Variants in OSBPL1A observed in about 807,000 individuals in gnomAD.
The protein encoded by OSBPL1A is oxysterol-binding protein-related protein 1.
In OSBPL1A, 80 loss-of-function variants were observed where a neutral mutation model predicts 137.1. The observed-to-expected ratio is 0.58, with a 90% CI of 0.49 to 0.70. The LOEUF is 0.70. OSBPL1A is among the 30% of genes least tolerant of loss of function. OSBPL1A has a pLI of 0.00. For synonymous variants in OSBPL1A, 365 were observed against 389.7 expected, an observed-to-expected ratio of 0.94 and a Z score of 0.75; for missense variants, 970 against 1,129.4, an observed-to-expected ratio of 0.86 and a Z score of 2.02.
At chr18:24,279,591 A>C (rs907899421) in intron 15 of OSBPL1A, among the ~76,000 whole-genome samples, 1 of 152,226 alleles carries the variant, frequency 6.6e-6, no homozygotes, top group Non-Finnish European at 1.5e-5. Flanking sequence ...AACTAAAACA[A>C]GAATAAGAAA....
At chr18:24,237,752 G>C (rs1356943406) in intron 16 of OSBPL1A, among the ~76,000 whole-genome samples, 1 of 152,092 alleles carries the variant, frequency 6.6e-6, no homozygotes. Flanking sequence ...AGCGCCACTG[G>C]ACCTGGCACA....
chr18:24,219,950 G>C (rs947809037), intron 17 of OSBPL1A, among the ~76,000 whole-genome samples: 2 of 152,192 alleles, frequency 1.3e-5, no homozygotes, highest in African/African-American at 4.8e-5. Context: ...TTTCAAATTG[G>C]AGCCCTATTC....
At chr18:24,198,850 G>GT (rs139052530) in intron 17 of OSBPL1A, among the ~76,000 whole-genome samples, 14,543 of 144,560 alleles carry the variant, frequency 0.1, 1,723 homozygotes, top group East Asian at 0.38. Flanking sequence ...TTGTTTTGGT[G>GT]TTTTTTTTTG....
intron 15 of OSBPL1A, among the ~76,000 whole-genome samples, chr18:24,247,558 G>A (rs1370120586): frequency 6.6e-6 from 1 of 152,150 alleles, no homozygotes; most frequent in Non-Finnish European, 1.5e-5. Context: ...TGCCTCCTGG[G>A]CTCAAGTGAT....
intron 17 of OSBPL1A, among the ~76,000 whole-genome samples, chr18:24,199,848 C>T (rs1164879878): frequency 6.6e-6 from 1 of 152,092 alleles, no homozygotes; most frequent in Non-Finnish European, 1.5e-5. Context: ...CACCCCAGCT[C>T]GACCAAGGAT....
intron 18 of OSBPL1A, among the ~76,000 whole-genome samples, chr18:24,181,843 T>G (rs377383370): frequency 6.6e-6 from 1 of 152,088 alleles, no homozygotes; most frequent in Non-Finnish European, 1.5e-5. Context: ...GAACACCTTA[T>G]AAAAGTAAAA....
intron 4 of OSBPL1A, among the ~76,000 whole-genome samples, chr18:24,359,236 C>T (rs565389844): frequency 6.6e-6 from 1 of 151,232 alleles, no homozygotes; most frequent in East Asian, 2.0e-4. Context: ...GAGACAGAGA[C>T]AGAGAGAGAA....
intron 11 of OSBPL1A, among the ~76,000 whole-genome samples, chr18:24,316,911 C>G (rs1700078115): frequency 6.6e-6 from 1 of 152,180 alleles, no homozygotes; most frequent in Non-Finnish European, 1.5e-5. Flanking sequence ...TTTGGACAAT[C>G]CATCTCTCAT....
At chr18:24,219,259 C>G (rs564170701) in intron 17 of OSBPL1A, among the ~76,000 whole-genome samples, 10 of 152,218 alleles carry the variant, frequency 6.6e-5, no homozygotes, top group Non-Finnish European at 1.0e-4. Flanking sequence ...CACCACTGCA[C>G]TCCAGCCTGG....
chr18:24,164,724 C>G (rs374197336), intron 27 of OSBPL1A, among the ~76,000 whole-genome samples: 1 of 151,906 alleles, frequency 6.6e-6, no homozygotes, highest in Non-Finnish European at 1.5e-5. Context: ...CACTGCACCC[C>G]GCCAGAGATT....
At chr18:24,293,219 T>C (rs2090217504) in intron 14 of OSBPL1A, among the ~76,000 whole-genome samples, 1 of 151,616 alleles carries the variant, frequency 6.6e-6, no homozygotes, top group Non-Finnish European at 1.5e-5. Context: ...TAACAGAGAC[T>C]GGCGTGCGGG....
chr18:24,311,676 C>G, intron 13 of OSBPL1A: 2 of 313,094 alleles, frequency 6.4e-6, no homozygotes, highest in Non-Finnish European at 5.4e-6. Flanking sequence ...ATGCATGCTC[C>G]CCATCCTCGC....
Position 24,171,506 on chromosome 18 carries a change from G to A in OSBPL1A, c.2202-8C>T. The A allele has an allele frequency of 1.3e-6, 2 of 1,596,214 alleles. No homozygotes were observed. ...ACACATTTGTCCCCAGTCCTATAAA[G>A]AAAATACTAAGTTCAGATTATCATT... On this transcript the variant is annotated splice_region_variant and splice_polypyrimidine_tract_variant and intron_variant, in intron 22 of 27. Transcript: ENST00000319481.
chr18:24,181,725 C>T (rs1599448393), intron 18 of OSBPL1A, among the ~76,000 whole-genome samples: 1 of 152,322 alleles, frequency 6.6e-6, no homozygotes, highest in South Asian at 2.1e-4. Flanking sequence ...GAAACCCTCT[C>T]CCCTGTTAAC....
At chr18:24,238,702 G>A (rs901618) in intron 16 of OSBPL1A, among the ~76,000 whole-genome samples, 69,760 of 152,056 alleles carry the variant, frequency 0.46, 17,218 homozygotes, top group East Asian at 0.82. Context: ...ATGCTATGCC[G>A]CCCTTTAGTG....
rs1203280404 is a variant in OSBPL1A, at chr18:24,271,058, G to C, written c.1281+9784C>G. Among the ~76,000 whole-genome samples, 1 of 152,176 alleles carries C rather than the reference G, an allele frequency of 6.6e-6. No individual in the cohort carries two copies. Among genetic ancestry groups the C allele is most frequent in the East Asian group, 1.9e-4 (1 of 5,200 alleles). On this transcript the variant is annotated intron_variant, in intron 15 of 27. Coordinates refer to ENST00000319481, the MANE Select transcript of OSBPL1A (RefSeq NM_080597.4). This position sits in a 1 kb window ranked among gnomAD's most constrained non-coding sequence, Gnocchi z 4.0. ...TTTAGGCTACAAAGAAAGCCTGTGA[G>C]TAATCAAAAATCCTTAATCAAAACA...
intron 18 of OSBPL1A, among the ~76,000 whole-genome samples, chr18:24,189,513 G>A (rs1282281148): frequency 6.6e-6 from 1 of 152,090 alleles, no homozygotes; most frequent in Non-Finnish European, 1.5e-5. Flanking sequence ...CGTGCCTCCT[G>A]CAAGATGAAG....
intron 21 of OSBPL1A, among the ~76,000 whole-genome samples, chr18:24,176,803 G>A (rs2086459929): frequency 6.6e-6 from 1 of 152,110 alleles, no homozygotes; most frequent in Admixed American, 6.6e-5. Flanking sequence ...CAGATCCTGA[G>A]GCCCTTGTGT....
chr18:24,252,267 C>T (rs1429258053), intron 15 of OSBPL1A, among the ~76,000 whole-genome samples: 1 of 152,058 alleles, frequency 6.6e-6, no homozygotes, highest in African/African-American at 2.4e-5. Flanking sequence ...GACCTCATGG[C>T]ATCTAAGAAT....
Sources: allele counts gnomAD v4.1 joint callset (sites outside exome capture counted in the v4.1 genomes callset), GRCh38; gene constraint gnomAD v4.1.1; non-coding constraint Gnocchi (gnomAD v3.1); transcripts MANE v1.5; gene names NCBI Gene and HGNC (gene_info 2026-07-23, HGNC 2026-07-21).